Variants in CCNY observed in about 807,000 individuals in gnomAD.
The protein encoded by CCNY is cyclin-Y.
A neutral mutation model predicts 42.8 loss-of-function variants in CCNY; 19 were observed. The observed-to-expected ratio is 0.44, with a 90% CI of 0.31 to 0.65. The LOEUF is 0.65. Ranked by LOEUF, CCNY falls within the 30% of genes least tolerant of loss-of-function variation. CCNY has a pLI of 0.07. For synonymous variants in CCNY, 165 were observed against 162.7 expected (o/e 1.01, Z -0.11); for missense variants, 370 against 437.3 (o/e 0.85, Z 1.37).
rs78247218 is a variant in CCNY at position 35,502,795 on chromosome 10, C to T, written c.264+1260C>T. 8.9e-4 allele frequency among the ~76,000 whole-genome samples: 135 copies of T among 151,730 alleles called. 3 individuals are homozygous for T. In the East Asian group the frequency reaches 0.026, roughly 29 times the overall value. ...ATATACCTGGATATAAAAATTTGAG[C>T]GATTGGAACGAATTCTCTAAATCCT... is the stretch of plus-strand genomic sequence containing the variant. On this transcript the variant is annotated intron_variant, in intron 3 of 9. Transcript: ENST00000374704.
intron 3 of CCNY, among the ~76,000 whole-genome samples, chr10:35,294,441 A>G (rs1011870239): frequency 8.5e-5 from 13 of 152,216 alleles, no homozygotes; most frequent in African/African-American, 2.9e-4. Context: ...TTCTGTTCCT[A>G]GTTTGTTGAA....
At chr10:35,483,821 A>G (rs1441067284) in intron 2 of CCNY, among the ~76,000 whole-genome samples, 1 of 152,226 alleles carries the variant, frequency 6.6e-6, no homozygotes, top group Non-Finnish European at 1.5e-5. Context: ...TAATTTAGAC[A>G]GTATGTAAAA....
intron 4 of CCNY, among the ~76,000 whole-genome samples, chr10:35,525,115 C>A (rs945939117): frequency 1.3e-5 from 2 of 151,642 alleles, no homozygotes; most frequent in Non-Finnish European, 2.9e-5. Context: ...GTAAATTATT[C>A]GACAATCATA....
chr10:35,541,913 C>T (rs1420894477), intron 7 of CCNY, among the ~76,000 whole-genome samples: 6 of 150,772 alleles, frequency 4.0e-5, no homozygotes, highest in Admixed American at 1.3e-4. Context: ...GGATCCCATC[C>T]AGGACACCAT....
At chr10:35,313,941 A>T (rs1835721279) in intron 3 of CCNY, among the ~76,000 whole-genome samples, 1 of 144,174 alleles carries the variant, frequency 6.9e-6, no homozygotes, top group African/African-American at 2.6e-5. Context: ...GCACCACTGC[A>T]CTCTAGCCTG....
intron 8 of CCNY, among the ~76,000 whole-genome samples, chr10:35,557,003 CCTGA>C (rs1247966932): frequency 6.6e-6 from 1 of 152,048 alleles, no homozygotes; most frequent in Non-Finnish European, 1.5e-5. Context: ...CGCCATTAGT[CCTGA>C]CTAATTTTTG....
At chr10:35,247,473 T>C (rs138342429) in intron 1 of CCNY, among the ~76,000 whole-genome samples, 3,228 of 151,934 alleles carry the variant, frequency 0.021, 64 homozygotes, top group Non-Finnish European at 0.033. Flanking sequence ...TAGTCCCAGC[T>C]ACTTGGGGAG....
rs1841662966 is a variant in CCNY, at chr10:35,570,373, T to C, written c.*1203T>C. The C allele has an allele frequency of 6.6e-6, 1 of 152,312 alleles. No individual in the cohort carries two copies. Among genetic ancestry groups the C allele is most frequent in the South Asian group, 2.1e-4 (1 of 4,834 alleles). The allele number at this position is 152,312 out of a possible 1,614,324, so 9.4% of individuals were successfully genotyped here. A position where few individuals can be genotyped will look rare whatever the true frequency, so the allele number is the denominator to read the frequency against. ...TTTTCATTGTGGGTGCTTAGAGAAG[T>C]TCTACAAAATTCAAACTGTGAAGGT... On this transcript the variant is annotated 3_prime_UTR_variant, in exon 10 of 10. Coordinates refer to ENST00000374704, the MANE Select transcript of CCNY (RefSeq NM_145012.6).
intron 2 of CCNY, among the ~76,000 whole-genome samples, chr10:35,493,079 T>C (rs1000776800): frequency 8.5e-5 from 13 of 152,198 alleles, no homozygotes; most frequent in African/African-American, 3.1e-4. Context: ...GGCTCACTTT[T>C]CTTGGGTGCA....
chr10:35,500,432 C>G (rs1230752827), intron 2 of CCNY, among the ~76,000 whole-genome samples: 2 of 152,186 alleles, frequency 1.3e-5, no homozygotes, highest in Non-Finnish European at 2.9e-5. Context: ...GTTCCATAGT[C>G]CCTTCAACAG....
At chr10:35,472,064 T>A (rs1182544649) in intron 1 of CCNY, among the ~76,000 whole-genome samples, 2 of 152,210 alleles carry the variant, frequency 1.3e-5, no homozygotes, top group African/African-American at 4.8e-5. Flanking sequence ...ATTGAGAGTT[T>A]TGTTTCTTTA....
intron 1 of CCNY, among the ~76,000 whole-genome samples, chr10:35,411,884 A>C (rs550374566): frequency 6.6e-6 from 1 of 152,256 alleles, no homozygotes; most frequent in Admixed American, 6.5e-5. Context: ...TGGATTTGCT[A>C]TGATAACAAC....
chr10:35,509,003 G>A (rs1840268335), intron 3 of CCNY, among the ~76,000 whole-genome samples: 1 of 152,098 alleles, frequency 6.6e-6, no homozygotes, highest in African/African-American at 2.4e-5. Flanking sequence ...GGCCTTTTGT[G>A]AGTGGCTTCT....
At chr10:35,437,655 C>CT (rs904898481) in intron 1 of CCNY, among the ~76,000 whole-genome samples, 6 of 151,742 alleles carry the variant, frequency 4.0e-5, no homozygotes, top group Non-Finnish European at 7.4e-5. Flanking sequence ...GAGCCAGACT[C>CT]TGTCTCAAAA....
chr10:35,337,135 C>G lies in CCNY; in HGVS notation c.82C>G (p.Pro28Ala), dbSNP rs1470427993. 10 of 1,588,636 alleles carry G rather than the reference C, an allele frequency of 6.3e-6. No homozygotes were observed. Among genetic ancestry groups the G allele is most frequent in the Non-Finnish European group, 8.5e-6 (10 of 1,169,748 alleles). ...NAHSRLESYR[P>A]DTDLSREDTG... ...CCACTCCCGGCTGGAGTCCTACCGG[C>G]CAGACACGGACCTGAGCCGCGAGGA... Residue 28 changes from proline (P) to alanine (A), a missense_variant, in exon 1 of 10, where the codon CCA becomes GCA. By Grantham distance (27) the Pro-to-Ala change is conservative. Transcript: ENST00000374704.
intron 1 of CCNY, among the ~76,000 whole-genome samples, chr10:35,348,327 G>C (rs1836351003): frequency 6.6e-6 from 1 of 152,198 alleles, no homozygotes; most frequent in Non-Finnish European, 1.5e-5. Flanking sequence ...AGGAAGCCTA[G>C]CAACCTTGCT....
chr10:35,528,456 C>G (rs1840698177), intron 5 of CCNY, among the ~76,000 whole-genome samples: 1 of 152,186 alleles, frequency 6.6e-6, no homozygotes, highest in African/African-American at 2.4e-5. Context: ...GTAATCCTAG[C>G]ACTTTGGGAG....
intron 2 of CCNY, among the ~76,000 whole-genome samples, chr10:35,491,466 G>GC (rs2135378646): frequency 6.6e-6 from 1 of 152,254 alleles, no homozygotes; most frequent in South Asian, 2.1e-4. Flanking sequence ...ACCCCGTCCT[G>GC]CCAGTGTAAG....
At chr10:35,287,814 T>C (rs1461346182) in intron 3 of CCNY, among the ~76,000 whole-genome samples, 1 of 152,180 alleles carries the variant, frequency 6.6e-6, no homozygotes, top group African/African-American at 2.4e-5. Context: ...ATGTAAAAGA[T>C]ACAGCTAATT....
Sources: allele counts gnomAD v4.1 joint callset (sites outside exome capture counted in the v4.1 genomes callset), GRCh38; gene constraint gnomAD v4.1.1; transcripts MANE v1.5; gene names NCBI Gene and HGNC (gene_info 2026-07-23, HGNC 2026-07-21).